Variants in KIAA1217 observed in about 807,000 individuals in gnomAD.
KIAA1217 encodes the protein sickle tail protein homolog.
In KIAA1217, 88 loss-of-function variants were observed where a neutral mutation model predicts 163.9. The ratio of observed to expected loss-of-function variants is 0.54; its 90% CI spans 0.45 to 0.64. KIAA1217 has a LOEUF of 0.64. KIAA1217 is among the 30% of genes least tolerant of loss of function. The probability of loss-of-function intolerance (pLI) is 0.00; values close to 1 mark genes in which losing one functional copy is unlikely to be tolerated. For missense variants in KIAA1217, 2,372 were observed against 2,475.0 expected (o/e 0.96, Z 0.88); for synonymous variants, 903 against 923.1 (o/e 0.98, Z 0.39).
intron 2 of KIAA1217, among the ~76,000 whole-genome samples, chr10:24,183,463 A>G (rs1197050747): frequency 2.0e-5 from 3 of 152,216 alleles, no homozygotes; most frequent in Non-Finnish European, 4.4e-5. Flanking sequence ...GAGAATAATG[A>G]AAAAAAGACA....
At chr10:24,351,097 G>C (rs553446695) in intron 2 of KIAA1217, among the ~76,000 whole-genome samples, 100 of 152,046 alleles carry the variant, frequency 6.6e-4, no homozygotes, top group South Asian at 3.3e-3. Flanking sequence ...ACAGGCATGC[G>C]ACCATACGCA....
intron 2 of KIAA1217, among the ~76,000 whole-genome samples, chr10:24,128,917 G>A (rs1022821076): frequency 2.0e-5 from 3 of 152,272 alleles, no homozygotes; most frequent in Admixed American, 6.5e-5. Context: ...GGCCCTCAAT[G>A]GCCCTGTTAA....
chr10:24,503,664 C>T (rs1003151799), intron 9 of KIAA1217, among the ~76,000 whole-genome samples: 3 of 152,118 alleles, frequency 2.0e-5, no homozygotes, highest in African/African-American at 7.2e-5. Flanking sequence ...TATGAATTAC[C>T]GCCATTTAAA....
At chr10:24,264,113 C>T (rs2075976309) in intron 2 of KIAA1217, among the ~76,000 whole-genome samples, 1 of 152,202 alleles carries the variant, frequency 6.6e-6, no homozygotes, top group Non-Finnish European at 1.5e-5. Flanking sequence ...CCCACCTCGG[C>T]CTCCCAAAGT....
Position 23,839,592 on chromosome 10 carries a change from G to A in KIAA1217, c.-321+144358G>A, listed in dbSNP as rs147044993. 5.1e-4 allele frequency among the ~76,000 whole-genome samples: 78 copies of A among 152,234 alleles called. 1 individual carries two copies. The East Asian group carries it at 0.011, about 22-fold the overall frequency. On this transcript the variant is annotated intron_variant, in intron 1 of 18. Coordinates refer to the KIAA1217 transcript ENST00000376462. ...CTGGTGGTCATTTATATACAGCATG[G>A]CTGTGCTGCATTGAGGAAGGATCTT... is the stretch of plus-strand genomic sequence containing the variant.
rs1448472115 is a variant in KIAA1217, at chr10:24,503,646, A to G, written c.2001+2101A>G. 2.6e-5 allele frequency among the ~76,000 whole-genome samples: 4 copies of G among 152,238 alleles called. No homozygotes were observed. The East Asian group carries it at 5.8e-4, about 22-fold the overall frequency. On this transcript the variant is annotated intron_variant, in intron 9 of 20. Transcript: ENST00000376454. ...ATATTTCAAGCAAATCTGGAGACAC[A>G]GGTTTTATATGAATTACCGCCATTT...
rs1319476846 is a variant in KIAA1217, at chr10:23,851,929, G to A, written c.-320-155296G>A. On this transcript the variant is annotated intron_variant, in intron 1 of 18. Transcript: ENST00000376462. ...TGGATATTAGCCCTTTGTCAGATGA[G>A]CAGGTTGTGAAAATTTTCTCCCATT... 3.3e-5 allele frequency among the ~76,000 whole-genome samples: 5 copies of A among 152,128 alleles called. No individual in the cohort carries two copies. The East Asian group carries it at 5.8e-4, about 18-fold the overall frequency.
At chr10:23,744,470 C>T (rs936456277) in intron 1 of KIAA1217, among the ~76,000 whole-genome samples, 3 of 152,122 alleles carry the variant, frequency 2.0e-5, no homozygotes, top group African/African-American at 7.2e-5. Flanking sequence ...GTTGGAGCTT[C>T]CAAAGGTCAC....
chr10:24,139,708 G>A (rs988460625), intron 2 of KIAA1217, among the ~76,000 whole-genome samples: 2 of 152,016 alleles, frequency 1.3e-5, no homozygotes, highest in African/African-American at 4.8e-5. Context: ...CCATTTTATA[G>A]GTTTATTATG....
intron 1 of KIAA1217, among the ~76,000 whole-genome samples, chr10:23,904,168 G>A (rs1842059222): frequency 6.6e-6 from 1 of 152,070 alleles, no homozygotes; most frequent in South Asian, 2.1e-4. Flanking sequence ...AAGGCAATTG[G>A]TATTTAAGAT....
intron 2 of KIAA1217, among the ~76,000 whole-genome samples, chr10:24,011,098 G>A (rs1202190940): frequency 6.6e-6 from 1 of 152,162 alleles, no homozygotes; most frequent in African/African-American, 2.4e-5. Flanking sequence ...TAGTGAGCCA[G>A]GTAGGGAAGA....
intron 1 of KIAA1217, among the ~76,000 whole-genome samples, chr10:23,831,608 T>C (rs1406288690): frequency 6.6e-6 from 1 of 151,050 alleles, no homozygotes; most frequent in Non-Finnish European, 1.5e-5. Flanking sequence ...ATTAGGAATG[T>C]AATATGTGTA....
rs147927715 is a variant in KIAA1217, at chr10:24,074,813, C to T, written c.-171+67439C>T. 4.1e-4 allele frequency among the ~76,000 whole-genome samples: 62 copies of T among 151,792 alleles called. 1 individual carries two copies. The East Asian group carries it at 0.011, about 27-fold the overall frequency. ...CCTCCCGGGATCAAGTGATCCCCCA[C>T]CTCAGCCCCCTAAGTAGCTGACACT... On this transcript the variant is annotated intron_variant, in intron 2 of 18. Coordinates refer to the KIAA1217 transcript ENST00000376462.
chr10:24,017,209 C>T (rs892959711), intron 2 of KIAA1217, among the ~76,000 whole-genome samples: 6 of 151,886 alleles, frequency 4.0e-5, no homozygotes, highest in African/African-American at 1.5e-4. Context: ...TGTGTCACCA[C>T]ACCTGGCTAA....
At chr10:24,377,346 G>C (rs1019434691) in intron 2 of KIAA1217, among the ~76,000 whole-genome samples, 3 of 152,162 alleles carry the variant, frequency 2.0e-5, no homozygotes, top group Non-Finnish European at 4.4e-5. Flanking sequence ...CTTGAGTCCT[G>C]CTCACGTGGC....
At chr10:23,717,459 G>A (rs1451319934) in intron 1 of KIAA1217, among the ~76,000 whole-genome samples, 4 of 152,008 alleles carry the variant, frequency 2.6e-5, no homozygotes, top group Non-Finnish European at 5.9e-5. Flanking sequence ...CTCACAAGGC[G>A]AGTTTTGGCC....
chr10:24,400,008 A>G (rs2056336813), intron 3 of KIAA1217, among the ~76,000 whole-genome samples: 1 of 152,224 alleles, frequency 6.6e-6, no homozygotes, highest in South Asian at 2.1e-4. Context: ...GGACTTTGCT[A>G]CTTAACATAG....
At chr10:23,995,807 A>G (rs980859465) in intron 1 of KIAA1217, among the ~76,000 whole-genome samples, 8 of 152,124 alleles carry the variant, frequency 5.3e-5, no homozygotes. Context: ...GTAAAAATGG[A>G]GCCCTTATTT....
chr10:24,211,182 A>G (rs562241340), intron 1 of KIAA1217, among the ~76,000 whole-genome samples: 1 of 152,222 alleles, frequency 6.6e-6, no homozygotes, highest in South Asian at 2.1e-4. Flanking sequence ...GAACAAAGAC[A>G]GGAGAGGTAA....
Sources: allele counts gnomAD v4.1 joint callset (sites outside exome capture counted in the v4.1 genomes callset), GRCh38; gene constraint gnomAD v4.1.1; transcripts MANE v1.5; gene names NCBI Gene and HGNC (gene_info 2026-07-23, HGNC 2026-07-21).